CATSPERT: variants seen among roughly 807,000 people sequenced by gnomAD.
CATSPERT encodes catsper channel auxiliary subunit tau.
chr2:201,544,836 A>AC, the CATSPERT span, among the ~76,000 whole-genome samples: 1 of 150,180 alleles, frequency 6.7e-6, no homozygotes, highest in Non-Finnish European at 1.5e-5. Context: ...AAAAAAAAAA[A>AC]AAATACAAAA....
At chr2:201,606,478 G>A in the CATSPERT span, among the ~76,000 whole-genome samples, 1 of 152,258 alleles carries the variant, frequency 6.6e-6, no homozygotes, top group African/African-American at 2.4e-5. Context: ...CATGTATCAA[G>A]GCTATTTTAA....
At chr2:201,618,953 T>C in the CATSPERT span, 1 of 1,613,856 alleles carries the variant, frequency 6.2e-7, no homozygotes, top group South Asian at 1.1e-5. Flanking sequence ...GGCAGGGCCG[T>C]CGTGCCCTGG....
chr2:201,570,109 A>G, the CATSPERT span, among the ~76,000 whole-genome samples: 6 of 152,078 alleles, frequency 3.9e-5, no homozygotes, highest in Non-Finnish European at 7.4e-5. Flanking sequence ...TTGAGCCTCA[A>G]GAGGTCAAGG....
chr2:201,551,608 G>T, the CATSPERT span, among the ~76,000 whole-genome samples: 2 of 152,292 alleles, frequency 1.3e-5, no homozygotes, highest in African/African-American at 4.8e-5. Context: ...CTCAGGCATT[G>T]TGAGTATTCA....
the CATSPERT span, chr2:201,511,845 T>TAAAAAAA: frequency 2.3e-5 from 2 of 86,672 alleles, no homozygotes; most frequent in African/African-American, 9.3e-5. Flanking sequence ...CTTGGCTCAT[T>TAAAAAAA]AAAAAAAAAA....
At chr2:201,570,547 A>C in the CATSPERT span, among the ~76,000 whole-genome samples, 1 of 152,176 alleles carries the variant, frequency 6.6e-6, no homozygotes, top group Non-Finnish European at 1.5e-5. Context: ...TAGTAACTCA[A>C]TTGGGTAGTT....
chr2:201,572,934 C>T, the CATSPERT span, among the ~76,000 whole-genome samples: 31 of 152,116 alleles, frequency 2.0e-4, no homozygotes, highest in African/African-American at 7.2e-4. Context: ...TGTCTTCACT[C>T]TCAATTCCTA....
the CATSPERT span, chr2:201,575,363 C>T: frequency 3.3e-6 from 5 of 1,523,418 alleles, no homozygotes; most frequent in East Asian, 2.5e-5. Context: ...TATAGAATTA[C>T]CCATGTATTT....
At chr2:201,572,078 T>A in the CATSPERT span, 2 of 1,256,180 alleles carry the variant, frequency 1.6e-6, no homozygotes, top group Non-Finnish European at 2.3e-6. Flanking sequence ...ACTCACTAAT[T>A]GTAATACCAT....
chr2:201,515,432 C>T, the CATSPERT span, among the ~76,000 whole-genome samples: 33 of 151,110 alleles, frequency 2.2e-4, no homozygotes, highest in African/African-American at 8.0e-4. Flanking sequence ...ACACAGTTTC[C>T]CCATGTTGGC....
At chr2:201,563,610 C>T in the CATSPERT span, among the ~76,000 whole-genome samples, 5 of 152,202 alleles carry the variant, frequency 3.3e-5, no homozygotes, top group South Asian at 1.0e-3. Context: ...CCTTTATTTT[C>T]TACCATCTTT....
the CATSPERT span, among the ~76,000 whole-genome samples, chr2:201,514,711 C>T: frequency 1.3e-5 from 2 of 152,180 alleles, no homozygotes; most frequent in Admixed American, 6.5e-5. Flanking sequence ...AGAGTATTGG[C>T]CAGAATTCTG....
chr2:201,574,158 A>G, the CATSPERT span: 1 of 1,335,712 alleles, frequency 7.5e-7, no homozygotes, highest in Non-Finnish European at 1.0e-6. Flanking sequence ...GAAGAGGACG[A>G]TTTGACTGAA....
the CATSPERT span, among the ~76,000 whole-genome samples, chr2:201,520,415 A>T: frequency 1.0e-3 from 156 of 152,370 alleles, 1 homozygote; most frequent in Non-Finnish European, 1.9e-3. Context: ...ACCATATGTT[A>T]GGACACAAAA....
At chr2:201,552,575 T>G in the CATSPERT span, among the ~76,000 whole-genome samples, 1 of 152,182 alleles carries the variant, frequency 6.6e-6, no homozygotes, top group Non-Finnish European at 1.5e-5. Context: ...ACATGAAATA[T>G]TTGCTGACTG....
chr2:201,537,560 T>A, the CATSPERT span: 1 of 1,134,432 alleles, frequency 8.8e-7, no homozygotes, highest in Non-Finnish European at 1.2e-6. Context: ...AAAATACTAT[T>A]ACATTTTTTC....
At chr2:201,553,799 T>A in the CATSPERT span, 1 of 152,190 alleles carries the variant, frequency 6.6e-6, no homozygotes, top group African/African-American at 2.4e-5. Context: ...ATCAAGCTCA[T>A]ACAAATGTGG....
chr2:201,535,650 C>T, the CATSPERT span: 1 of 1,161,164 alleles, frequency 8.6e-7, no homozygotes, highest in South Asian at 4.2e-5. Flanking sequence ...AATCACTTTG[C>T]TTTTCTTGAA....
chr2:201,536,819 C>G, the CATSPERT span, among the ~76,000 whole-genome samples: 1 of 151,846 alleles, frequency 6.6e-6, no homozygotes, highest in African/African-American at 2.4e-5. Context: ...ATATTATCTT[C>G]TTTTACTCTC....
Sources: allele counts gnomAD v4.1 joint callset (sites outside exome capture counted in the v4.1 genomes callset), GRCh38; gene constraint gnomAD v4.1.1; transcripts MANE v1.5; gene names NCBI Gene and HGNC (gene_info 2026-07-23, HGNC 2026-07-21).